Variants in MARCHF1 observed in about 807,000 individuals in gnomAD.
The protein encoded by MARCHF1 is E3 ubiquitin-protein ligase MARCHF1.
MARCHF1 carries 40 observed loss-of-function variants against 54.2 expected under a neutral mutation model. That is an observed-to-expected ratio of 0.74 (90% CI 0.57 to 0.96). The LOEUF (loss-of-function observed/expected upper bound fraction) is 0.96. MARCHF1 is among the 40% of genes least tolerant of loss of function. The pLI is 0.00. For missense variants in MARCHF1, 586 were observed against 656.5 expected, an observed-to-expected ratio of 0.89 and a Z score of 1.17; for synonymous variants, 236 against 236.3, an observed-to-expected ratio of 1.00 and a Z score of 0.01.
At chr4:163,624,708 T>C (rs1741810180) in intron 5 of MARCHF1, among the ~76,000 whole-genome samples, 1 of 152,212 alleles carries the variant, frequency 6.6e-6, no homozygotes, top group Non-Finnish European at 1.5e-5. Flanking sequence ...GCTTTATATA[T>C]TCCCCATTAC....
chr4:164,120,450 A>G (rs1190747363), intron 1 of MARCHF1, among the ~76,000 whole-genome samples: 2 of 152,126 alleles, frequency 1.3e-5, no homozygotes, highest in African/African-American at 4.8e-5. Flanking sequence ...CAACAGAGAA[A>G]TATCAGATTT....
intron 2 of MARCHF1, among the ~76,000 whole-genome samples, chr4:164,042,940 T>G (rs1293527438): frequency 2.0e-5 from 3 of 152,196 alleles, no homozygotes; most frequent in Admixed American, 2.0e-4. Context: ...TAATCTCGAC[T>G]GTATTTCTCA....
At position 163,838,717 on chromosome 4, in the gene MARCHF1, T is replaced by A. The variant is rs77884017; in HGVS notation, c.111+15304A>T. Among the ~76,000 whole-genome samples the A allele has an allele frequency of 5.0e-3, 759 of 152,230 alleles. 6 individuals carry two copies. The highest frequency in any genetic ancestry group is 0.017 in the African/African-American group (723 of 41,580). On this transcript the variant is annotated intron_variant, in intron 4 of 9. Transcript: ENST00000514618. Reference sequence around the variant, plus strand: ...CTGTATTCATGAAAAAGAATAAATTTGGATCTCTACTTCACACCATGCACA... The same window carrying A: ...CTGTATTCATGAAAAAGAATAAATTAGGATCTCTACTTCACACCATGCACA...
At position 163,637,897 on chromosome 4, in the gene MARCHF1, G is replaced by A. The variant is rs1340008960; in HGVS notation, c.163-24504C>T. On this transcript the variant is annotated intron_variant, in intron 5 of 9. Coordinates refer to ENST00000514618, the MANE Select transcript of MARCHF1 (RefSeq NM_001394959.1). ...AGAAAATGTGGCACATATACACCAT[G>A]GAATACTATGCAGCCATAAAAATGA... Among the ~76,000 whole-genome samples the A allele has an allele frequency of 3.6e-4, 55 of 151,152 alleles. No homozygotes were observed. In the East Asian group the frequency reaches 9.8e-3, roughly 27 times the overall value.
chr4:163,737,136 C>T (rs1194885627), intron 4 of MARCHF1, among the ~76,000 whole-genome samples: 4 of 139,800 alleles, frequency 2.9e-5, no homozygotes, highest in Non-Finnish European at 6.1e-5. Flanking sequence ...ATTTAAGTCA[C>T]TTATCAGCGC....
chr4:164,222,792 G>A (rs1318648343), intron 1 of MARCHF1, among the ~76,000 whole-genome samples: 2 of 151,954 alleles, frequency 1.3e-5, no homozygotes, highest in African/African-American at 4.8e-5. Context: ...TTTGATAGAA[G>A]ACATGAACTA....
At chr4:163,888,497 T>A (rs952445479) in intron 3 of MARCHF1, among the ~76,000 whole-genome samples, 1 of 152,196 alleles carries the variant, frequency 6.6e-6, no homozygotes, top group African/African-American at 2.4e-5. Context: ...CCCAAATCAA[T>A]GTTCTGGCAT....
At chr4:163,941,789 A>C (rs1751917840) in intron 3 of MARCHF1, among the ~76,000 whole-genome samples, 2 of 152,210 alleles carry the variant, frequency 1.3e-5, no homozygotes, top group South Asian at 4.1e-4. Context: ...AAAGCATTCA[A>C]CATATGGAAA....
chr4:164,044,845 G>A (rs1754208181), intron 2 of MARCHF1, among the ~76,000 whole-genome samples: 1 of 151,834 alleles, frequency 6.6e-6, no homozygotes, highest in Non-Finnish European at 1.5e-5. Flanking sequence ...TATATATATA[G>A]ACATTATTTC....
At chr4:164,354,294 G>A (rs1011639070) in intron 1 of MARCHF1, among the ~76,000 whole-genome samples, 4 of 130,862 alleles carry the variant, frequency 3.1e-5, no homozygotes, top group Admixed American at 7.5e-5. Flanking sequence ...ACCAAAGCCG[G>A]GCAGAGACAC....
At chr4:163,653,891 A>G (rs1743054410) in intron 5 of MARCHF1, among the ~76,000 whole-genome samples, 2 of 151,776 alleles carry the variant, frequency 1.3e-5, no homozygotes, top group Admixed American at 1.3e-4. Flanking sequence ...TTGGAATCAC[A>G]TTATATAAAT....
chr4:164,213,882 T>C (rs1402545134), intron 1 of MARCHF1, among the ~76,000 whole-genome samples: 1 of 152,012 alleles, frequency 6.6e-6, no homozygotes, highest in Non-Finnish European at 1.5e-5. Context: ...ATCTTCATCT[T>C]AATAAGAAAT....
At chr4:164,351,816 C>A (rs1488301284) in intron 1 of MARCHF1, among the ~76,000 whole-genome samples, 3 of 151,966 alleles carry the variant, frequency 2.0e-5, no homozygotes, top group South Asian at 2.1e-4. Flanking sequence ...TTACTCTGAG[C>A]TACGGGAGGA....
At chr4:163,666,250 A>C (rs1743528747) in intron 5 of MARCHF1, among the ~76,000 whole-genome samples, 1 of 152,116 alleles carries the variant, frequency 6.6e-6, no homozygotes, top group Admixed American at 6.6e-5. Context: ...TAAAGTTTTG[A>C]CCTTGATAAC....
chr4:163,892,004 AT>A (rs954667636), intron 3 of MARCHF1, among the ~76,000 whole-genome samples: 8 of 151,840 alleles, frequency 5.3e-5, no homozygotes, highest in South Asian at 2.1e-4. Flanking sequence ...GATTCAACAG[AT>A]TTTTTTTTAA....
intron 1 of MARCHF1, among the ~76,000 whole-genome samples, chr4:164,145,227 G>A (rs1454965085): frequency 2.0e-5 from 3 of 152,090 alleles, no homozygotes; most frequent in Non-Finnish European, 2.9e-5. Flanking sequence ...ATTCACAGCC[G>A]AATTTTACCA....
intron 2 of MARCHF1, among the ~76,000 whole-genome samples, chr4:163,998,378 A>C (rs1055218713): frequency 6.6e-6 from 1 of 151,544 alleles, no homozygotes; most frequent in African/African-American, 2.4e-5. Context: ...TTTTATATAA[A>C]TAGCATTAAT....
chr4:163,672,869 C>T (rs986920321), intron 5 of MARCHF1, among the ~76,000 whole-genome samples: 10 of 152,160 alleles, frequency 6.6e-5, no homozygotes, highest in Admixed American at 3.3e-4. Context: ...CTTCAAACTG[C>T]ATCACTCCAA....
intron 2 of MARCHF1, among the ~76,000 whole-genome samples, chr4:164,010,638 T>A (rs1753401141): frequency 6.6e-6 from 1 of 152,140 alleles, no homozygotes; most frequent in Admixed American, 6.5e-5. Flanking sequence ...TATGAAAAGA[T>A]ATTTCATGCT....
Sources: allele counts gnomAD v4.1 joint callset (sites outside exome capture counted in the v4.1 genomes callset), GRCh38; gene constraint gnomAD v4.1.1; transcripts MANE v1.5; gene names NCBI Gene and HGNC (gene_info 2026-07-23, HGNC 2026-07-21).